The following UBE2E2 variants were observed in gnomAD, a reference collection of about 807,000 sequenced individuals.
UBE2E2 encodes ubiquitin conjugating enzyme E2 E2, also known as ubiquitin-conjugating enzyme E2 E2.
A neutral mutation model predicts 24.7 loss-of-function variants in UBE2E2; 6 were observed. The ratio of observed to expected loss-of-function variants is 0.24; its 90% CI spans 0.13 to 0.48. UBE2E2 has a LOEUF of 0.48. Ranked by LOEUF, UBE2E2 falls within the 20% of genes least tolerant of loss-of-function variation. UBE2E2 has a pLI of 0.99. For missense variants in UBE2E2, 169 were observed against 245.0 expected (o/e 0.69, Z 2.07); for synonymous variants, 104 against 83.6 (o/e 1.24, Z -1.33).
At chr3:23,383,150 G>A (rs1218652268) in intron 3 of UBE2E2, among the ~76,000 whole-genome samples, 1 of 152,130 alleles carries the variant, frequency 6.6e-6, no homozygotes. Flanking sequence ...ATAATTGATT[G>A]GATGTTGTTG....
intron 3 of UBE2E2, among the ~76,000 whole-genome samples, chr3:23,267,720 C>T (rs990388689): frequency 6.6e-6 from 1 of 152,078 alleles, no homozygotes; most frequent in African/African-American, 2.4e-5. Context: ...CCAGCATCAT[C>T]CTGATACCAA....
At chr3:23,297,209 G>A (rs552945922) in intron 3 of UBE2E2, among the ~76,000 whole-genome samples, 3 of 152,000 alleles carry the variant, frequency 2.0e-5, no homozygotes, top group African/African-American at 7.2e-5. Context: ...CTGGATATTA[G>A]CCCTTTGTCA....
intron 5 of UBE2E2, among the ~76,000 whole-genome samples, chr3:23,533,273 C>G (rs1695168257): frequency 1.3e-5 from 2 of 152,106 alleles, no homozygotes; most frequent in Admixed American, 1.3e-4. Flanking sequence ...GGTGTGCTTA[C>G]CACTGAAAAT....
intron 3 of UBE2E2, among the ~76,000 whole-genome samples, chr3:23,300,632 A>G (rs553537312): frequency 1.3e-4 from 20 of 152,314 alleles, no homozygotes; most frequent in Admixed American, 3.3e-4. Context: ...TCTGGCTTGT[A>G]GAGTTTCTGC....
At chr3:23,296,333 A>G (rs1698907400) in intron 3 of UBE2E2, among the ~76,000 whole-genome samples, 1 of 151,786 alleles carries the variant, frequency 6.6e-6, no homozygotes, top group Admixed American at 6.6e-5. Context: ...TTATTATTGT[A>G]TGTTAAGTTT....
chr3:23,410,492 A>G (rs976707119), intron 3 of UBE2E2, among the ~76,000 whole-genome samples: 4 of 152,180 alleles, frequency 2.6e-5, no homozygotes, highest in Non-Finnish European at 5.9e-5. Flanking sequence ...GTAACGAGGC[A>G]TGTTTTTATG....
rs916249341 is a variant in UBE2E2, at chr3:23,310,776, A to C, written c.227+93464A>C. Among the ~76,000 whole-genome samples, 3 of 152,180 alleles carry C rather than the reference A, an allele frequency of 2.0e-5. No homozygotes were observed. In the South Asian group the frequency reaches 6.2e-4, roughly 32 times the overall value. ...TACACATAAAAGATAATGTCAGTTG[A>C]TGGCATGAGTGTGAAAGCAGAGCTG... On this transcript the variant is annotated intron_variant, in intron 3 of 5. Transcript: ENST00000396703.
intron 3 of UBE2E2, among the ~76,000 whole-genome samples, chr3:23,346,925 T>G (rs564148491): frequency 1.3e-5 from 2 of 152,340 alleles, no homozygotes; most frequent in Admixed American, 6.5e-5. Flanking sequence ...TATTACAGTA[T>G]GAAAGATTTA....
At chr3:23,569,920 T>C (rs2125511274) in intron 5 of UBE2E2, among the ~76,000 whole-genome samples, 1 of 152,302 alleles carries the variant, frequency 6.6e-6, no homozygotes, top group South Asian at 2.1e-4. Context: ...GGCGTTAATT[T>C]TGAATGGTTT....
At chr3:23,579,753 T>C (rs1244465141) in intron 5 of UBE2E2, among the ~76,000 whole-genome samples, 7 of 152,104 alleles carry the variant, frequency 4.6e-5, no homozygotes, top group African/African-American at 1.7e-4. Flanking sequence ...TTTCCATAGA[T>C]GGCGATTCTC....
intron 4 of UBE2E2, among the ~76,000 whole-genome samples, chr3:23,515,500 G>A (rs57604595): frequency 0.29 from 43,990 of 151,898 alleles, 6,791 homozygotes; most frequent in African/African-American, 0.38. Context: ...GTTTTTAAAT[G>A]TGAAAAATAC....
rs1226336937 is a variant in UBE2E2, at chr3:23,209,895, C to T, written c.176+1020C>T. Among the ~76,000 whole-genome samples, 3 of 152,166 alleles carry T rather than the reference C, an allele frequency of 2.0e-5. No individual in the cohort carries two copies. In the East Asian group the frequency reaches 5.8e-4, roughly 29 times the overall value. ...GTTTCCCTTTCGTGGGGGTGTATTG[C>T]TGATCTCTGTTGAAGGAGCTGTTTG... On this transcript the variant is annotated intron_variant, in intron 2 of 5. Coordinates refer to ENST00000396703, the MANE Select transcript of UBE2E2 (RefSeq NM_152653.4).
intron 3 of UBE2E2, among the ~76,000 whole-genome samples, chr3:23,303,219 T>G (rs1699150354): frequency 6.6e-6 from 1 of 152,096 alleles, no homozygotes; most frequent in Non-Finnish European, 1.5e-5. Flanking sequence ...GGGGACCATC[T>G]AGTTGCAGGA....
At chr3:23,282,226 T>G (rs1323598329) in intron 3 of UBE2E2, among the ~76,000 whole-genome samples, 1 of 152,212 alleles carries the variant, frequency 6.6e-6, no homozygotes, top group East Asian at 1.9e-4. Context: ...CTGGGAAATT[T>G]TGTTTTGCTA....
At chr3:23,449,659 A>G (rs1698513150) in intron 3 of UBE2E2, among the ~76,000 whole-genome samples, 1 of 152,226 alleles carries the variant, frequency 6.6e-6, no homozygotes, top group Admixed American at 6.5e-5. Flanking sequence ...TTCTGGTAAT[A>G]CTGCAGGTGA....
At chr3:23,272,843 T>G (rs904546435) in intron 3 of UBE2E2, among the ~76,000 whole-genome samples, 2 of 152,072 alleles carry the variant, frequency 1.3e-5, no homozygotes, top group South Asian at 2.1e-4. Flanking sequence ...TAAGTTCTAG[T>G]CTGAAAGCTG....
intron 3 of UBE2E2, chr3:23,323,366 C>T (rs936428982): frequency 4.2e-6 from 1 of 235,430 alleles, no homozygotes; most frequent in Non-Finnish European, 8.6e-6. Context: ...CTAGGGAATA[C>T]AAAAGTCTTG....
At chr3:23,539,857 T>G (rs1248469233) in intron 5 of UBE2E2, among the ~76,000 whole-genome samples, 1 of 152,156 alleles carries the variant, frequency 6.6e-6, no homozygotes, top group South Asian at 2.1e-4. Flanking sequence ...GTAATAATTT[T>G]AAGTACATAT....
chr3:23,479,246 A>G (rs375416777), intron 3 of UBE2E2, among the ~76,000 whole-genome samples: 1 of 152,172 alleles, frequency 6.6e-6, no homozygotes, highest in African/African-American at 2.4e-5. Flanking sequence ...GCAAACAATC[A>G]TGGAATCTAG....
Sources: allele counts gnomAD v4.1 joint callset (sites outside exome capture counted in the v4.1 genomes callset), GRCh38; gene constraint gnomAD v4.1.1; transcripts MANE v1.5; gene names NCBI Gene and HGNC (gene_info 2026-07-23, HGNC 2026-07-21).